ADAMTS12: variants seen among roughly 807,000 people sequenced by gnomAD.
ADAMTS12 encodes the protein A disintegrin and metalloproteinase with thrombospondin motifs 12.
In ADAMTS12, 118 loss-of-function variants were observed where a neutral mutation model predicts 167.8. The observed-to-expected ratio is 0.70, with a 90% CI of 0.61 to 0.82. The LOEUF is 0.82. Among genes scored for constraint, ADAMTS12 ranks in the 40% least tolerant of loss-of-function variants. ADAMTS12 has a pLI of 0.00. For missense variants in ADAMTS12, 1,916 were observed against 1,998.8 expected (o/e 0.96, Z 0.79); for synonymous variants, 704 against 716.9 (o/e 0.98, Z 0.29).
At chr5:33,756,155 C>G (rs1012354575) in intron 2 of ADAMTS12, among the ~76,000 whole-genome samples, 2 of 152,160 alleles carry the variant, frequency 1.3e-5, no homozygotes, top group African/African-American at 4.8e-5. Flanking sequence ...AACAGCAAAG[C>G]CCAGGGTAAT....
chr5:33,785,004 C>A (rs1746277022), intron 2 of ADAMTS12, among the ~76,000 whole-genome samples: 1 of 151,960 alleles, frequency 6.6e-6, no homozygotes, highest in African/African-American at 2.4e-5. Flanking sequence ...AAATAGTGAG[C>A]AGTTAACCCT....
At chr5:33,876,548 C>A (rs1750233976) in intron 2 of ADAMTS12, among the ~76,000 whole-genome samples, 1 of 151,798 alleles carries the variant, frequency 6.6e-6, no homozygotes, top group Non-Finnish European at 1.5e-5. Flanking sequence ...GGTGCTGGAA[C>A]AATCAGACAT....
At chr5:33,746,056 T>C (rs1224656187) in intron 3 of ADAMTS12, among the ~76,000 whole-genome samples, 2 of 151,958 alleles carry the variant, frequency 1.3e-5, no homozygotes, top group African/African-American at 4.8e-5. Context: ...AAAAAACAAA[T>C]ATAGAGCAAT....
At chr5:33,565,674 G>GTTTTTTTTTTTTTTT in intron 19 of ADAMTS12, among the ~76,000 whole-genome samples, 1 of 126,310 alleles carries the variant, frequency 7.9e-6, no homozygotes, top group Non-Finnish European at 1.7e-5. Context: ...TTTTTTGTTT[G>GTTTTTTTTTTTTTTT]TTTTTTTTTT....
At chr5:33,765,547 C>T (rs1745502252) in intron 2 of ADAMTS12, among the ~76,000 whole-genome samples, 1 of 151,888 alleles carries the variant, frequency 6.6e-6, no homozygotes, top group South Asian at 2.1e-4. Context: ...TAAAATGTAC[C>T]CTCCATTTTT....
intron 2 of ADAMTS12, among the ~76,000 whole-genome samples, chr5:33,804,398 G>A (rs1475523560): frequency 2.0e-5 from 3 of 152,214 alleles, no homozygotes; most frequent in Non-Finnish European, 4.4e-5. Flanking sequence ...CCTGGCCTCA[G>A]AAGGAACATA....
chr5:33,823,208 G>C (rs920339522), intron 2 of ADAMTS12, among the ~76,000 whole-genome samples: 1 of 152,056 alleles, frequency 6.6e-6, no homozygotes, highest in Non-Finnish European at 1.5e-5. Context: ...ATACACAACT[G>C]AGAGCTTTTC....
chr5:33,855,109 C>T (rs946047024), intron 2 of ADAMTS12, among the ~76,000 whole-genome samples: 1 of 152,184 alleles, frequency 6.6e-6, no homozygotes, highest in Non-Finnish European at 1.5e-5. Context: ...AGGCTTTAGA[C>T]AGCATTCAAG....
At chr5:33,666,388 TG>T (rs1276454315) in intron 5 of ADAMTS12, among the ~76,000 whole-genome samples, 1 of 152,190 alleles carries the variant, frequency 6.6e-6, no homozygotes, top group Non-Finnish European at 1.5e-5. Context: ...TTCCACAGGA[TG>T]GGGGAGAGGC....
At chr5:33,652,365 ATC>A (rs1740895178) in intron 7 of ADAMTS12, among the ~76,000 whole-genome samples, 1 of 152,132 alleles carries the variant, frequency 6.6e-6, no homozygotes, top group Non-Finnish European at 1.5e-5. Context: ...TTTAATTTGC[ATC>A]TCTCTGATAA....
rs1580015635 is a variant in ADAMTS12, at chr5:33,881,369, C to T, written c.239G>A (p.Arg80Lys). The T allele has an allele frequency of 2.5e-6, 4 of 1,614,202 alleles. No individual in the cohort carries two copies. Among genetic ancestry groups the T allele is most frequent in the Non-Finnish European group, 3.4e-6 (4 of 1,180,028 alleles). Residue 80 changes from arginine to lysine, a missense_variant, in exon 2 of 24, where the codon AGG (arginine) becomes AAG (lysine). Coordinates refer to ENST00000504830, the MANE Select transcript of ADAMTS12 (RefSeq NM_030955.4). ...GLHYPITSSR[R>K]KRDLDGSEDW... is the part of the protein sequence containing the mutation. Reference sequence around the variant, plus strand: ...CTCTGAGCCATCCAAATCTCTCTTCCTCCTGCTGCTCGTGATGGGATAGTG... The same window carrying T: ...CTCTGAGCCATCCAAATCTCTCTTCTTCCTGCTGCTCGTGATGGGATAGTG...
chr5:33,585,147 A>T (rs1342749240), intron 18 of ADAMTS12, among the ~76,000 whole-genome samples: 1 of 152,186 alleles, frequency 6.6e-6, no homozygotes, highest in East Asian at 1.9e-4. Context: ...AGCCATGATT[A>T]AAAATCTCAT....
intron 22 of ADAMTS12, among the ~76,000 whole-genome samples, chr5:33,543,413 C>G (rs1744804842): frequency 6.6e-6 from 1 of 152,180 alleles, no homozygotes; most frequent in Admixed American, 6.5e-5. Flanking sequence ...GAAGGATTCA[C>G]ACGCGAATTC....
At chr5:33,747,893 G>A (rs1157975222) in intron 3 of ADAMTS12, among the ~76,000 whole-genome samples, 1 of 152,088 alleles carries the variant, frequency 6.6e-6, no homozygotes, top group Admixed American at 6.6e-5. Context: ...AGACAAAGAG[G>A]TATATTCTAT....
intron 21 of ADAMTS12, among the ~76,000 whole-genome samples, chr5:33,548,686 G>A (rs1264237465): frequency 7.1e-6 from 1 of 141,328 alleles, no homozygotes; most frequent in East Asian, 2.1e-4. Context: ...GCAGAGCCAG[G>A]GCCCTCATAA....
At chr5:33,656,325 G>A (rs1439644976) in intron 7 of ADAMTS12, among the ~76,000 whole-genome samples, 1 of 152,066 alleles carries the variant, frequency 6.6e-6, no homozygotes, top group Non-Finnish European at 1.5e-5. Flanking sequence ...GTTACCATGA[G>A]GTTCTTAACT....
chr5:33,731,279 G>A (rs1200051789), intron 3 of ADAMTS12, among the ~76,000 whole-genome samples: 1 of 149,872 alleles, frequency 6.7e-6, no homozygotes, highest in African/African-American at 2.5e-5. Context: ...TCAGCCTCCC[G>A]GGTTCCAGAG....
chr5:33,808,725 G>C (rs1747333214), intron 2 of ADAMTS12, among the ~76,000 whole-genome samples: 1 of 152,086 alleles, frequency 6.6e-6, no homozygotes, highest in African/African-American at 2.4e-5. Context: ...TTTCTTATTA[G>C]GTCAGGGTCA....
intron 5 of ADAMTS12, among the ~76,000 whole-genome samples, chr5:33,662,852 T>C (rs751988392): frequency 4.6e-5 from 7 of 152,232 alleles, no homozygotes; most frequent in Non-Finnish European, 7.3e-5. Flanking sequence ...CTTTGGGGCC[T>C]CCACATAGAG....
Sources: gnomAD v4.1 joint callset for allele counts (sites outside exome capture counted in the v4.1 genomes callset) on GRCh38, gnomAD v4.1.1 for gene constraint, MANE v1.5 for transcripts, NCBI Gene and HGNC (gene_info 2026-07-23, HGNC 2026-07-21) for gene names.